The following LRBA variants were observed in gnomAD, a reference collection of about 807,000 sequenced individuals.
LRBA encodes lipopolysaccharide-responsive and beige-like anchor protein.
Under a neutral mutation model 330.0 loss-of-function variants are expected in LRBA, and 176 were observed. The observed-to-expected ratio is 0.53, with a 90% CI of 0.47 to 0.60. LRBA has a LOEUF of 0.60. Among genes scored for constraint, LRBA ranks in the 20% least tolerant of loss-of-function variants. LRBA has a pLI of 0.00. For missense variants in LRBA, 3,259 were observed against 3,444.8 expected, an observed-to-expected ratio of 0.95 and a Z score of 1.35; for synonymous variants, 1,230 against 1,193.0, an observed-to-expected ratio of 1.03 and a Z score of -0.64.
intron 2 of LRBA, among the ~76,000 whole-genome samples, chr4:151,008,053 G>C (rs577819043): frequency 6.6e-6 from 1 of 151,474 alleles, no homozygotes; most frequent in Non-Finnish European, 1.5e-5. Flanking sequence ...TCATTGACTT[G>C]TATACTTAAA....
chr4:150,607,427 T>C (rs1387180923), intron 37 of LRBA, among the ~76,000 whole-genome samples: 1 of 151,850 alleles, frequency 6.6e-6, no homozygotes, highest in Admixed American at 6.6e-5. Context: ...TCAAGGGCTG[T>C]AACAAGAGGG....
intron 37 of LRBA, among the ~76,000 whole-genome samples, chr4:150,619,634 A>C (rs558832328): frequency 1.3e-5 from 2 of 152,108 alleles, no homozygotes; most frequent in Non-Finnish European, 2.9e-5. Flanking sequence ...GTTATTCCTA[A>C]GATTATAAGT....
intron 40 of LRBA, among the ~76,000 whole-genome samples, chr4:150,547,040 C>T (rs1561331930): frequency 6.6e-6 from 1 of 152,092 alleles, no homozygotes; most frequent in South Asian, 2.1e-4. Context: ...CCAAGTAAAT[C>T]ACATCAAACA....
At chr4:150,455,459 A>G (rs897735038) in intron 44 of LRBA, among the ~76,000 whole-genome samples, 3 of 152,118 alleles carry the variant, frequency 2.0e-5, no homozygotes, top group African/African-American at 7.2e-5. Context: ...GCCATAAAAA[A>G]TGATGAGTTC....
intron 54 of LRBA, among the ~76,000 whole-genome samples, chr4:150,282,867 A>G (rs570849885): frequency 6.6e-6 from 1 of 152,338 alleles, no homozygotes; most frequent in South Asian, 2.1e-4. Context: ...CAAACCATGT[A>G]AGTCCAAGTT....
chr4:150,817,330 A>C, intron 30 of LRBA, 73 bp from the exon 31 acceptor site: 12 of 1,349,312 alleles, frequency 8.9e-6, no homozygotes, highest in Non-Finnish European at 1.2e-5. Context: ...ATTTCAAAAC[A>C]GAAACTAGGT....
chr4:150,907,744 A>C (rs1731509999), intron 11 of LRBA, among the ~76,000 whole-genome samples: 1 of 152,012 alleles, frequency 6.6e-6, no homozygotes, highest in African/African-American at 2.4e-5. Flanking sequence ...AGAAATTGAG[A>C]CTCCTTTCCT....
chr4:150,317,736 G>A (rs147923227), intron 50 of LRBA, among the ~76,000 whole-genome samples: 9 of 152,250 alleles, frequency 5.9e-5, no homozygotes, highest in African/African-American at 1.4e-4. Context: ...AGTGAAATGG[G>A]TTTAAGGAGG....
At chr4:150,603,366 G>A (rs1014014478) in intron 37 of LRBA, among the ~76,000 whole-genome samples, 11 of 151,966 alleles carry the variant, frequency 7.2e-5, no homozygotes, top group African/African-American at 2.4e-4. Flanking sequence ...CTACATATAC[G>A]TCATCTAATT....
At chr4:150,804,103 C>T (rs1339223903) in intron 33 of LRBA, among the ~76,000 whole-genome samples, 1 of 151,904 alleles carries the variant, frequency 6.6e-6, no homozygotes, top group African/African-American at 2.4e-5. Flanking sequence ...TAGGGAAAAG[C>T]CCTGAAATAT....
intron 53 of LRBA, among the ~76,000 whole-genome samples, chr4:150,300,254 G>C (rs1262995487): frequency 6.6e-6 from 1 of 152,016 alleles, no homozygotes; most frequent in African/African-American, 2.4e-5. Context: ...ACAGGGGCTT[G>C]AAAGGATAAG....
intron 40 of LRBA, among the ~76,000 whole-genome samples, chr4:150,558,472 T>G (rs1767619090): frequency 6.6e-6 from 1 of 152,228 alleles, no homozygotes; most frequent in Non-Finnish European, 1.5e-5. Context: ...AGCTCTTTCA[T>G]TTGGCTCTTG....
chr4:150,899,967 G>A, intron 14 of LRBA, 82 bp downstream of exon 14: 1 of 1,030,284 alleles, frequency 9.7e-7, no homozygotes, highest in Non-Finnish European at 1.4e-6. Flanking sequence ...CCAAATATAT[G>A]ATAGTACTGG....
intron 40 of LRBA, among the ~76,000 whole-genome samples, chr4:150,573,897 T>A (rs1055705790): frequency 1.3e-5 from 2 of 152,166 alleles, no homozygotes; most frequent in Non-Finnish European, 2.9e-5. Context: ...CAGTAGGAAC[T>A]TGGTAATATC....
intron 44 of LRBA, among the ~76,000 whole-genome samples, chr4:150,453,425 T>C (rs1463763887): frequency 2.6e-5 from 4 of 152,122 alleles, no homozygotes; most frequent in African/African-American, 7.2e-5. Flanking sequence ...AAAAAGTCTT[T>C]CTAACAAATG....
At chr4:150,844,326 T>C in intron 27 of LRBA, 119 bp from the exon 28 acceptor site, 1 of 567,758 alleles carries the variant, frequency 1.8e-6, no homozygotes, top group Non-Finnish European at 2.9e-6. Context: ...AGCATTCCTT[T>C]CCCCACTTTT....
intron 44 of LRBA, among the ~76,000 whole-genome samples, chr4:150,443,074 C>G (rs1425060924): frequency 6.6e-6 from 1 of 152,082 alleles, no homozygotes; most frequent in African/African-American, 2.4e-5. Context: ...ATTAGCATCC[C>G]CAATTTGCAG....
At chr4:150,902,545 A>G (rs1427806506) in intron 13 of LRBA, among the ~76,000 whole-genome samples, 1 of 152,118 alleles carries the variant, frequency 6.6e-6, no homozygotes, top group Non-Finnish European at 1.5e-5. Flanking sequence ...TTGTAACTTT[A>G]CTGTATCCTC....
At chr4:150,934,491 G>C (rs1438314807) in intron 2 of LRBA, among the ~76,000 whole-genome samples, 1 of 152,188 alleles carries the variant, frequency 6.6e-6, no homozygotes, top group Non-Finnish European at 1.5e-5. Context: ...GGAAATAGTG[G>C]AACAGTGATC....
Sources: gnomAD v4.1 joint callset for allele counts (sites outside exome capture counted in the v4.1 genomes callset) on GRCh38, gnomAD v4.1.1 for gene constraint, MANE v1.5 for transcripts, NCBI Gene and HGNC (gene_info 2026-07-23, HGNC 2026-07-21) for gene names.